Variants in CFAP221 observed in about 807,000 individuals in gnomAD.
CFAP221 encodes cilia- and flagella-associated protein 221.
Under a neutral mutation model 113.1 loss-of-function variants are expected in CFAP221, and 97 were observed. That is an observed-to-expected ratio of 0.86 (90% CI 0.73 to 1.02). The LOEUF (loss-of-function observed/expected upper bound fraction) is 1.02, where lower values mean the gene tolerates loss of function less well. Ranked by LOEUF, CFAP221 falls within the 50% of genes least tolerant of loss-of-function variation. The pLI, the probability that CFAP221 is intolerant of heterozygous loss-of-function variation, is 0.00. For missense variants in CFAP221, 1,025 were observed against 1,013.4 expected (o/e 1.01, Z -0.16); for synonymous variants, 331 against 354.4 (o/e 0.93, Z 0.74).
At chr2:119,618,440 G>C (rs1352535126) in intron 14 of CFAP221, among the ~76,000 whole-genome samples, 2 of 152,166 alleles carry the variant, frequency 1.3e-5, no homozygotes, top group Non-Finnish European at 2.9e-5. Context: ...TGGAGGGTGA[G>C]CCGAAGCAGG....
intron 8 of CFAP221, chr2:119,601,586 G>A: frequency 2.1e-6 from 1 of 472,764 alleles, no homozygotes; most frequent in Non-Finnish European, 3.5e-6. Flanking sequence ...AAGAAGGGAA[G>A]AAACAAGAAA....
Position 119,656,635 on chromosome 2 carries a change from A to G in CFAP221, c.*165A>G. The G allele has an allele frequency of 2.0e-6, 1 of 503,744 alleles. No homozygotes were observed. The highest frequency in any genetic ancestry group is 3.5e-6 in the Non-Finnish European group (1 of 282,026). 31.2% of individuals were successfully genotyped at this position (503,744 alleles called of 1,614,324 possible). Reference sequence around the variant, plus strand: ...AGTGATAATTATAAATCTTATATTTAAAAATAAAATGGAGTTAGGATGATG... The same window carrying G: ...AGTGATAATTATAAATCTTATATTTGAAAATAAAATGGAGTTAGGATGATG... On this transcript the variant is annotated 3_prime_UTR_variant, in exon 24 of 24. Coordinates refer to ENST00000413369, the MANE Select transcript of CFAP221 (RefSeq NM_001271049.2).
chr2:119,648,924 C>G (rs571658492), intron 22 of CFAP221, among the ~76,000 whole-genome samples: 43 of 152,222 alleles, frequency 2.8e-4, no homozygotes, highest in Non-Finnish European at 5.4e-4. Flanking sequence ...GATCACTGTT[C>G]AGGCAAAGCG....
rs1166329090 is a variant in CFAP221, at chr2:119,629,922, A to G, written c.1698A>G (p.Gln566=). The G allele has an allele frequency of 6.2e-7, 1 of 1,613,756 alleles. No individual in the cohort carries two copies. The highest frequency in any genetic ancestry group is 2.2e-5 in the East Asian group (1 of 44,878). Residue 566 remains glutamine, a synonymous_variant, in exon 17 of 24, where the codon CAA becomes CAG. Coordinates refer to ENST00000413369, the MANE Select transcript of CFAP221 (RefSeq NM_001271049.2). ...GLVPIKSSEV[Q]IKQSYSFFNL... ...TCCCAATTAAGTCTTCAGAAGTTCA[A>G]ATCAAGCAGAGTTATTCCTTCTTCA...
intron 23 of CFAP221, among the ~76,000 whole-genome samples, chr2:119,654,384 C>G (rs1227468381): frequency 6.6e-6 from 1 of 152,072 alleles, no homozygotes; most frequent in African/African-American, 2.4e-5. Flanking sequence ...AAAAAACTGA[C>G]CTAGGGTTTT....
chr2:119,579,168 A>T (rs1682672009), intron 6 of CFAP221, among the ~76,000 whole-genome samples: 1 of 152,110 alleles, frequency 6.6e-6, no homozygotes, highest in African/African-American at 2.4e-5. Context: ...AGAGGGATAA[A>T]AGTTGTAGTT....
intron 14 of CFAP221, among the ~76,000 whole-genome samples, chr2:119,625,330 G>A (rs1400337116): frequency 6.6e-6 from 1 of 152,126 alleles, no homozygotes; most frequent in Non-Finnish European, 1.5e-5. Flanking sequence ...AGAAAATCAA[G>A]GCTCATAAAT....
chr2:119,561,927 A>T (rs1270099592), intron 5 of CFAP221, 87 bp from the exon 6 acceptor site: 1 of 871,174 alleles, frequency 1.1e-6, no homozygotes, highest in African/African-American at 1.7e-5. Context: ...AACGATGGAA[A>T]CAAGATAAGA....
intron 14 of CFAP221, among the ~76,000 whole-genome samples, 169 bp downstream of exon 14, chr2:119,615,878 G>GCCAT (rs1002943656): frequency 7.2e-5 from 11 of 152,148 alleles, no homozygotes; most frequent in African/African-American, 2.7e-4. Flanking sequence ...GAGCTGGGCA[G>GCCAT]CCATCACCCC....
At chr2:119,598,659 G>A (rs1460915894) in intron 7 of CFAP221, among the ~76,000 whole-genome samples, 1 of 152,206 alleles carries the variant, frequency 6.6e-6, no homozygotes, top group Admixed American at 6.5e-5. Flanking sequence ...GCCACTGTTA[G>A]TTTTGGCTGA....
At chr2:119,596,864 C>A (rs539998795) in intron 7 of CFAP221, among the ~76,000 whole-genome samples, 12 of 152,230 alleles carry the variant, frequency 7.9e-5, no homozygotes, top group South Asian at 2.1e-4. Flanking sequence ...TTAAAATAGA[C>A]CTTGTAGAGG....
At chr2:119,605,854 A>C (rs1223261716) in intron 11 of CFAP221, among the ~76,000 whole-genome samples, 1 of 152,060 alleles carries the variant, frequency 6.6e-6, no homozygotes, top group Non-Finnish European at 1.5e-5. Flanking sequence ...AAAGGGTGTC[A>C]CTCTGTCACC....
chr2:119,639,180 G>A (rs1302893690), intron 20 of CFAP221, among the ~76,000 whole-genome samples: 1 of 152,138 alleles, frequency 6.6e-6, no homozygotes, highest in Non-Finnish European at 1.5e-5. Flanking sequence ...CTTCCCTTCA[G>A]AGAAATCTTC....
At chr2:119,658,286 T>A (rs1688502696), downstream of CFAP221, among the ~76,000 whole-genome samples, 1 of 152,220 alleles carries the variant, frequency 6.6e-6, no homozygotes, top group Non-Finnish European at 1.5e-5. Context: ...CTACCGTTGT[T>A]TATTTTGTTC....
intron 22 of CFAP221, among the ~76,000 whole-genome samples, chr2:119,647,902 G>A (rs1441244539): frequency 2.6e-5 from 4 of 152,124 alleles, no homozygotes; most frequent in Admixed American, 2.6e-4. Flanking sequence ...AGATTATAGA[G>A]CACCCGAAAT....
chr2:119,631,631 C>T (rs931484076), intron 19 of CFAP221, among the ~76,000 whole-genome samples: 1 of 152,148 alleles, frequency 6.6e-6, no homozygotes, highest in African/African-American at 2.4e-5. Context: ...GCTGAGATCA[C>T]GCCAGTGCAC....
intron 15 of CFAP221, 163 bp downstream of exon 15, chr2:119,625,851 C>T: frequency 1.7e-6 from 1 of 602,600 alleles, no homozygotes; most frequent in Non-Finnish European, 2.9e-6. Flanking sequence ...CCTTCTGCTT[C>T]CTCTTGTCAC....
intron 19 of CFAP221, among the ~76,000 whole-genome samples, chr2:119,637,575 G>A (rs1687196657): frequency 6.6e-6 from 1 of 152,182 alleles, no homozygotes; most frequent in African/African-American, 2.4e-5. Flanking sequence ...GCAGGGAGGG[G>A]CGCTACGTTG....
intron 12 of CFAP221, 33 bp from the exon 13 acceptor site, chr2:119,611,620 C>A: frequency 6.4e-7 from 1 of 1,556,296 alleles, no homozygotes. Context: ...CATTTATATT[C>A]AACTTAAATT....
Sources: allele counts gnomAD v4.1 joint callset (sites outside exome capture counted in the v4.1 genomes callset), GRCh38; gene constraint gnomAD v4.1.1; transcripts MANE v1.5; gene names NCBI Gene and HGNC (gene_info 2026-07-23, HGNC 2026-07-21).